The following RARB variants were observed in gnomAD, a reference collection of about 807,000 sequenced individuals.
RARB encodes the protein HBV-activated protein.
A neutral mutation model predicts 51.9 loss-of-function variants in RARB; 17 were observed. The ratio of observed to expected loss-of-function variants is 0.33; its 90% CI spans 0.22 to 0.49. RARB has a LOEUF of 0.49. RARB is among the 20% of genes least tolerant of loss of function. The probability of loss-of-function intolerance (pLI) is 0.99; values close to 1 mark genes in which losing one functional copy is unlikely to be tolerated. For missense variants in RARB, 369 were observed against 550.8 expected, an observed-to-expected ratio of 0.67 and a Z score of 3.30; for synonymous variants, 215 against 195.4, an observed-to-expected ratio of 1.10 and a Z score of -0.84.
rs570353505 is a variant in RARB, at chr3:25,428,521, C to G, written c.-211C>G. 2.3e-5 allele frequency: 29 copies of G among 1,274,434 alleles called. No individual in the cohort carries two copies. In the South Asian group the frequency reaches 6.6e-4, roughly 29 times the overall value. 78.9% of individuals were successfully genotyped at this position (1,274,434 alleles called of 1,614,324 possible). A position where few individuals can be genotyped will look rare whatever the true frequency, so the allele number is the denominator to read the frequency against. ...GCCCCGGCTGGATTGGCCGAGCAAG[C>G]CTGGAAAATGGTAAATGATCATTTG... is the stretch of plus-strand genomic sequence containing the variant. On this transcript the variant is annotated 5_prime_UTR_variant, in exon 1 of 8. Transcript: ENST00000330688.
At chr3:25,460,461 T>C (rs1454633666) in intron 1 of RARB, among the ~76,000 whole-genome samples, 1 of 147,668 alleles carries the variant, frequency 6.8e-6, no homozygotes, top group Non-Finnish European at 1.5e-5. Context: ...TATTTATTTA[T>C]TTTTGAGACG....
At chr3:25,281,949 A>G (rs910117225) in intron 5 of RARB, among the ~76,000 whole-genome samples, 5 of 152,212 alleles carry the variant, frequency 3.3e-5, no homozygotes, top group Admixed American at 1.3e-4. Flanking sequence ...CTGCTCTGCA[A>G]GGCCCTGGGC....
At chr3:25,465,399 T>C (rs1309978690) in intron 2 of RARB, among the ~76,000 whole-genome samples, 1 of 152,206 alleles carries the variant, frequency 6.6e-6, no homozygotes, top group Admixed American at 6.5e-5. Flanking sequence ...AGTTTACTAC[T>C]GTAAGCTGAG....
intron 5 of RARB, among the ~76,000 whole-genome samples, chr3:25,274,279 A>T (rs906006086): frequency 7.9e-5 from 12 of 152,218 alleles, no homozygotes; most frequent in African/African-American, 2.7e-4. Flanking sequence ...GTGTGTATTT[A>T]TACTAACAAC....
chr3:25,015,649 C>G (rs991904455), intron 2 of RARB, among the ~76,000 whole-genome samples: 3 of 152,116 alleles, frequency 2.0e-5, no homozygotes, highest in African/African-American at 7.2e-5. Flanking sequence ...TTGATGCACT[C>G]TGAAGTTTCC....
chr3:25,016,480 G>T (rs558993977), intron 2 of RARB, among the ~76,000 whole-genome samples: 10 of 152,248 alleles, frequency 6.6e-5, no homozygotes, highest in African/African-American at 2.2e-4. Context: ...ACTAATTCCT[G>T]CTGGGGCATG....
chr3:24,830,420 C>CGTGTGTGTGTGTGTGTGTGTGTGTGTGT (rs59434163), intron 1 of RARB, among the ~76,000 whole-genome samples: 7 of 121,400 alleles, frequency 5.8e-5, no homozygotes, highest in Admixed American at 1.7e-4. Context: ...TGACAGAAGA[C>CGTGTGTGTGTGTGTGTGTGTGTGTGTGT]GTGTGTGTGT....
At chr3:24,840,645 A>G in intron 1 of RARB, among the ~76,000 whole-genome samples, 1 of 152,012 alleles carries the variant, frequency 6.6e-6, no homozygotes, top group East Asian at 1.9e-4. Context: ...GCCTGAAACA[A>G]TGTATGTAAA....
At position 25,520,994 on chromosome 3, in the gene RARB, CAAT is replaced by C. The variant is rs372948342; in HGVS notation, c.448+19674_448+19676del. Among the ~76,000 whole-genome samples, 614 of 152,200 alleles carry C rather than the reference CAAT, an allele frequency of 4.0e-3. 4 individuals carry two copies. Among genetic ancestry groups the C allele is most frequent in the African/African-American group, 0.014 (570 of 41,520 alleles). On this transcript the variant is annotated intron_variant, in intron 3 of 7. Coordinates refer to ENST00000330688, the MANE Select transcript of RARB (RefSeq NM_000965.5). ...TTTATACACCTAAGGGAGTTTGTGA[CAAT>C]AAAATATCAAGAGTATCAAAAAGCT...
chr3:25,563,102 A>G (rs1030421909), intron 3 of RARB, among the ~76,000 whole-genome samples: 1 of 152,198 alleles, frequency 6.6e-6, no homozygotes, highest in African/African-American at 2.4e-5. Context: ...AATTCTAAGC[A>G]TGCTCCTTGC....
chr3:25,181,833 T>A (rs779417701), intron 5 of RARB, among the ~76,000 whole-genome samples: 3 of 152,062 alleles, frequency 2.0e-5, no homozygotes, highest in Non-Finnish European at 4.4e-5. Flanking sequence ...TTTTATAAAA[T>A]CATGTCACCG....
chr3:25,261,332 G>A (rs889012864), intron 5 of RARB, among the ~76,000 whole-genome samples: 1 of 151,684 alleles, frequency 6.6e-6, no homozygotes, highest in Admixed American at 6.6e-5. Flanking sequence ...TATTCCCTTG[G>A]CTCCTAGAAC....
chr3:25,228,544 G>T (rs1474560281), intron 5 of RARB, among the ~76,000 whole-genome samples: 1 of 151,752 alleles, frequency 6.6e-6, no homozygotes, highest in South Asian at 2.1e-4. Context: ...ACCTACTAAA[G>T]ATTCCATATT....
intron 5 of RARB, among the ~76,000 whole-genome samples, chr3:25,228,217 GTTTTTTT>G (rs55796125): frequency 9.5e-6 from 1 of 105,628 alleles, no homozygotes; most frequent in African/African-American, 3.8e-5. Flanking sequence ...GACTTTGAGG[GTTTTTTT>G]TTTTTTTTTT....
chr3:24,904,583 C>T (rs1341226502), intron 2 of RARB, among the ~76,000 whole-genome samples: 1 of 152,184 alleles, frequency 6.6e-6, no homozygotes, highest in Non-Finnish European at 1.5e-5. Flanking sequence ...ATTAGTTCAA[C>T]CATTGTGGAA....
intron 2 of RARB, among the ~76,000 whole-genome samples, chr3:25,016,011 C>T (rs568199781): frequency 6.6e-6 from 1 of 152,116 alleles, no homozygotes; most frequent in Non-Finnish European, 1.5e-5. Flanking sequence ...TAATTTCTTC[C>T]ATGATTTCAT....
At chr3:25,110,139 C>CA (rs766309895) in intron 3 of RARB, among the ~76,000 whole-genome samples, 1 of 152,166 alleles carries the variant, frequency 6.6e-6, no homozygotes, top group African/African-American at 2.4e-5. Flanking sequence ...TGGTATCCTC[C>CA]AAAAAAATCC....
At chr3:25,539,598 G>A (rs1183324596) in intron 3 of RARB, among the ~76,000 whole-genome samples, 53 of 29,232 alleles carry the variant, frequency 1.8e-3, no homozygotes, top group Admixed American at 2.3e-3. Flanking sequence ...TTTTTCTCTT[G>A]TTTTGTATTT....
intron 3 of RARB, among the ~76,000 whole-genome samples, chr3:25,112,418 TTACA>T (rs1257935611): frequency 3.9e-5 from 6 of 152,190 alleles, no homozygotes; most frequent in Non-Finnish European, 8.8e-5. Context: ...AGAGATTTTC[TTACA>T]TTATATATGT....
Sources: allele counts gnomAD v4.1 joint callset (sites outside exome capture counted in the v4.1 genomes callset), GRCh38; gene constraint gnomAD v4.1.1; transcripts MANE v1.5; gene names NCBI Gene and HGNC (gene_info 2026-07-23, HGNC 2026-07-21).